Variants in ZNF691 observed in about 807,000 individuals in gnomAD.
The protein encoded by ZNF691 is zinc finger protein 691.
Under a neutral mutation model 24.1 loss-of-function variants are expected in ZNF691, and 11 were observed. The observed-to-expected ratio is 0.46, with a 90% CI of 0.29 to 0.75. The LOEUF (loss-of-function observed/expected upper bound fraction) is 0.75. Among genes scored for constraint, ZNF691 ranks in the 30% least tolerant of loss-of-function variants. The pLI, the probability that ZNF691 is intolerant of heterozygous loss-of-function variation, is 0.11. For missense variants in ZNF691, 356 were observed against 409.0 expected, an observed-to-expected ratio of 0.87 and a Z score of 1.12; for synonymous variants, 149 against 153.9, an observed-to-expected ratio of 0.97 and a Z score of 0.23.
chr1:42,847,156 T>C, intron 1 of ZNF691, among the ~76,000 whole-genome samples: 1 of 152,198 alleles, frequency 6.6e-6, no homozygotes, highest in Non-Finnish European at 1.5e-5. Flanking sequence ...CTCTGACCCG[T>C]TATCTAGCTT....
At position 42,852,184 on chromosome 1, in the gene ZNF691, TTGTC is replaced by T. The variant is rs1655417729; in HGVS notation, c.*375_*378del. 4 of 385,746 alleles carry T rather than the reference TTGTC, an allele frequency of 1.0e-5. No homozygotes were observed. Among genetic ancestry groups the T allele is most frequent in the African/African-American group, 2.1e-5 (1 of 47,416 alleles). 23.9% of individuals were successfully genotyped at this position (385,746 alleles called of 1,614,324 possible). On this transcript the variant is annotated 3_prime_UTR_variant, in exon 4 of 4. Transcript: ENST00000651192. ...TGTCACTGTCTGAAGGTTCTCCAAA[TTGTC>T]TGTGAACTGCTTAGGTAGGAGTGCA...
intron 1 of ZNF691, among the ~76,000 whole-genome samples, chr1:42,848,228 G>A (rs1655291176): frequency 6.6e-6 from 1 of 152,152 alleles, no homozygotes; most frequent in African/African-American, 2.4e-5. Context: ...ATAGCTCATT[G>A]CGTAGAGATA....
rs1304424016 is a variant in ZNF691, at chr1:42,849,711, GC to G, written c.56del (p.Pro19ArgfsTer81). The G allele has an allele frequency of 3.2e-6, 5 of 1,551,004 alleles. No homozygotes were observed. Among genetic ancestry groups the G allele is most frequent in the East Asian group, 2.4e-5 (1 of 40,944 alleles). On this transcript the variant is annotated frameshift_variant, in exon 3 of 4. Coordinates refer to ENST00000651192, the MANE Select transcript of ZNF691 (RefSeq NM_001242739.2). LOFTEE classifies it high-confidence loss of function. ...GCTGAAATGTCGTTATTTCTTCAAG[GC>G]CCGGAGGAAATGCTACCACTCTCAT... is the stretch of plus-strand genomic sequence containing the variant. ...HSAEMSLFLQ[G>X]PEEMLPLSSE...
chr1:42,851,564 G>A lies in ZNF691; in HGVS notation c.699G>A (p.Gly233=), dbSNP rs998882009. 1 of 1,614,228 alleles carries A rather than the reference G, an allele frequency of 6.2e-7. No homozygotes were observed. The highest frequency in any genetic ancestry group is 2.2e-5 in the East Asian group (1 of 44,888). ...CACCCTACATCTGCTGTGAGTGTGGGAAGAGCTTCAGCAACAGCTCCAGCT... is the reference window on the plus strand; with the variant it reads ...CACCCTACATCTGCTGTGAGTGTGGAAAGAGCTTCAGCAACAGCTCCAGCT... ...EPAPYICCEC[G]KSFSNSSSFG... is the part of the protein sequence containing the mutation. The change falls in exon 4 of 4, where the codon GGG becomes GGA. Residue 233 remains glycine (G), a synonymous_variant. Transcript: ENST00000651192. The surrounding 1 kb of genome is among the most constrained non-coding windows in gnomAD (Gnocchi z 4.7).
At position 42,849,425 on chromosome 1, in the gene ZNF691, A is replaced by C; in HGVS notation, c.-95+12A>C. 1.5e-6 allele frequency: 1 copy of C among 645,638 alleles called. No individual in the cohort carries two copies. The highest frequency in any genetic ancestry group is 2.9e-6 in the Non-Finnish European group (1 of 348,534). 40.0% of individuals were successfully genotyped at this position (645,638 alleles called of 1,614,324 possible). A position where few individuals can be genotyped will look rare whatever the true frequency, so the allele number is the denominator to read the frequency against. Reference sequence around the variant, plus strand: ...GTCTTGTAGTGTGGGTAGGTATCACAATTTTAGTGAAGAGGGAGTTTAGGC... The same window carrying C: ...GTCTTGTAGTGTGGGTAGGTATCACCATTTTAGTGAAGAGGGAGTTTAGGC... On this transcript the variant is annotated intron_variant, in intron 2 of 3. Coordinates refer to ENST00000651192, the MANE Select transcript of ZNF691 (RefSeq NM_001242739.2).
chr1:42,851,178 C>T lies in ZNF691; in HGVS notation c.313C>T (p.His105Tyr), dbSNP rs747658412. ...RARELGDPIA[H>Y]PRHEADEKPF... ...TCGAGAGCTAGGGGACCCCATTGCT[C>T]ATCCAAGGCATGAGGCAGATGAGAA... Residue 105 changes from histidine (H) to tyrosine (Y), a missense_variant, in exon 4 of 4, where the codon CAT becomes TAT. His to Tyr is a moderately conservative substitution (Grantham distance 83). Transcript: ENST00000651192. The surrounding 1 kb of genome is among the most constrained non-coding windows in gnomAD (Gnocchi z 4.7). The T allele has an allele frequency of 6.2e-7, 1 of 1,614,198 alleles. No homozygotes were observed. The highest frequency in any genetic ancestry group is 1.1e-5 in the South Asian group (1 of 91,076).
chr1:42,849,168 GA>G (rs1655313104), intron 1 of ZNF691, 122 bp from the exon 2 acceptor site: 1 of 297,080 alleles, frequency 3.4e-6, no homozygotes, highest in Admixed American at 5.0e-5. Context: ...GGTTCTTAAA[GA>G]GTTGAGGTTC....
chr1:42,850,404 G>T, intron 3 of ZNF691: 1 of 985,270 alleles, frequency 1.0e-6, no homozygotes, highest in Non-Finnish European at 1.2e-6. Context: ...CTGGAGAGGG[G>T]TAGAGTGGCA....
At chr1:42,847,857 G>T (rs960255513) in intron 1 of ZNF691, among the ~76,000 whole-genome samples, 1 of 152,214 alleles carries the variant, frequency 6.6e-6, no homozygotes, top group African/African-American at 2.4e-5. Flanking sequence ...CTAAAATAAG[G>T]ATGATGTGAA....
intron 1 of ZNF691, among the ~76,000 whole-genome samples, chr1:42,847,881 A>G (rs1368722349): frequency 6.6e-6 from 1 of 152,236 alleles, no homozygotes; most frequent in Non-Finnish European, 1.5e-5. Flanking sequence ...AAATTAGATG[A>G]TTCATATATG....
rs774556175 is a variant in ZNF691 at position 42,851,662 on chromosome 1, A to T, written c.797A>T (p.Asp266Val). Residue 266 changes from aspartate (D) to valine (V), a missense_variant, in exon 4 of 4, where the codon GAT becomes GTT. By Grantham distance (152) the Asp-to-Val change is radical (BLOSUM62 -3). Transcript: ENST00000651192. This position sits in a 1 kb window ranked among gnomAD's most constrained non-coding sequence, Gnocchi z 4.7. ...ECTECGRTFS[D>V]ISNFGAHQRT... is the part of the protein sequence containing the mutation. ...ACTGAGTGTGGGCGGACCTTCAGCG[A>T]TATCTCCAACTTTGGAGCACACCAG... 2 of 1,614,174 alleles carry T rather than the reference A, an allele frequency of 1.2e-6. No homozygotes were observed. Among genetic ancestry groups the T allele is most frequent in the South Asian group, 2.2e-5 (2 of 91,082 alleles).
chr1:42,847,016 A>T (rs1389960546), intron 1 of ZNF691, among the ~76,000 whole-genome samples: 3 of 151,856 alleles, frequency 2.0e-5, no homozygotes, highest in Non-Finnish European at 4.4e-5. Context: ...GACCTCCGCC[A>T]TTGGCTTCTC....
At position 42,849,625 on chromosome 1, in the gene ZNF691, A is replaced by G. The variant is rs1297753507; in HGVS notation, c.-34A>G. The stretch of plus-strand genomic sequence containing the variant: ...CATTTTCTATCATCAGTGTCCTATG[A>G]TAGTTTGTGCTTCCCTCCCTCATCC... On this transcript the variant is annotated 5_prime_UTR_variant, in exon 3 of 4. Transcript: ENST00000651192. 5.6e-6 allele frequency: 8 copies of G among 1,439,438 alleles called. No individual in the cohort carries two copies. The highest frequency in any genetic ancestry group is 7.7e-6 in the Non-Finnish European group (8 of 1,045,392). 89.2% of individuals were successfully genotyped at this position (1,439,438 alleles called of 1,614,324 possible).
At chr1:42,847,596 A>G (rs1285230847) in intron 1 of ZNF691, among the ~76,000 whole-genome samples, 1 of 152,218 alleles carries the variant, frequency 6.6e-6, no homozygotes, top group Non-Finnish European at 1.5e-5. Flanking sequence ...ACCTTAGGTC[A>G]AATACCTACT....
intron 1 of ZNF691, among the ~76,000 whole-genome samples, chr1:42,847,219 TCTC>T (rs1164723452): frequency 6.6e-6 from 1 of 152,136 alleles, no homozygotes; most frequent in Non-Finnish European, 1.5e-5. Flanking sequence ...ATAGCTCCTC[TCTC>T]CTCTTCCTCC....
rs1369131937 is a variant in ZNF691 at position 42,851,402 on chromosome 1, C to T, written c.537C>T (p.Ser179=). ...ACAAATGCCCCAAGTGCCAGGAGAG[C>T]TTTCGGCGGCGCTCAGACCTCACCA... ...KHYKCPKCQE[S]FRRRSDLTTH... Residue 179 remains serine (S), a synonymous_variant, in exon 4 of 4, where the codon AGC becomes AGT. Coordinates refer to ENST00000651192, the MANE Select transcript of ZNF691 (RefSeq NM_001242739.2). The surrounding 1 kb of genome is among the most constrained non-coding windows in gnomAD (Gnocchi z 4.7). The T allele has an allele frequency of 1.2e-6, 2 of 1,614,052 alleles. No homozygotes were observed. Among genetic ancestry groups the T allele is most frequent in the Admixed American group, 1.7e-5 (1 of 60,010 alleles).
chr1:42,851,041 C>T lies in ZNF691; in HGVS notation c.176C>T (p.Ser59Leu), dbSNP rs1167240805. ...GGTAAGCCTTGGAGAGTGGATGACT[C>T]AGAGGGTTCTTGGATCCCACCTGGG... ...EGGKPWRVDD[S>L]EGSWIPPGEK... The change falls in exon 4 of 4, where the codon TCA (serine) becomes TTA (leucine). Residue 59 changes from serine to leucine, a missense_variant. Ser to Leu is a moderately radical substitution (Grantham distance 145). Coordinates refer to ENST00000651192, the MANE Select transcript of ZNF691 (RefSeq NM_001242739.2). This position sits in a 1 kb window ranked among gnomAD's most constrained non-coding sequence, Gnocchi z 4.7. 1 of 1,584,866 alleles carries T rather than the reference C, an allele frequency of 6.3e-7. No homozygotes were observed. Among genetic ancestry groups the T allele is most frequent in the Non-Finnish European group, 8.6e-7 (1 of 1,166,526 alleles).
chr1:42,851,689 G>T lies in ZNF691; in HGVS notation c.824G>T (p.Arg275Leu). The T allele has an allele frequency of 6.2e-7, 1 of 1,614,206 alleles. No individual in the cohort carries two copies. Among genetic ancestry groups the T allele is most frequent in the Non-Finnish European group, 8.5e-7 (1 of 1,180,030 alleles). Residue 275 changes from arginine to leucine, a missense_variant, in exon 4 of 4, where the codon CGG becomes CTG. Arg to Leu is a moderately radical substitution (Grantham distance 102). Coordinates refer to ENST00000651192, the MANE Select transcript of ZNF691 (RefSeq NM_001242739.2). The surrounding 1 kb of genome is among the most constrained non-coding windows in gnomAD (Gnocchi z 4.7). The part of the protein sequence containing the change: ...SDISNFGAHQ[R>L]THRGEKPYRC... ...ATCTCCAACTTTGGAGCACACCAGCGGACCCACAGAGGGGAGAAGCCCTAC... is the reference window on the plus strand; with the variant it reads ...ATCTCCAACTTTGGAGCACACCAGCTGACCCACAGAGGGGAGAAGCCCTAC...
At chr1:42,847,786 T>G (rs956730923) in intron 1 of ZNF691, among the ~76,000 whole-genome samples, 4 of 152,264 alleles carry the variant, frequency 2.6e-5, no homozygotes, top group African/African-American at 9.6e-5. Flanking sequence ...GTTCTGCCAC[T>G]TACTTGCTGT....
Sources: gnomAD v4.1 joint callset for allele counts (sites outside exome capture counted in the v4.1 genomes callset) on GRCh38, gnomAD v4.1.1 for gene constraint, Gnocchi (gnomAD v3.1) non-coding constraint, MANE v1.5 for transcripts, NCBI Gene and HGNC (gene_info 2026-07-23, HGNC 2026-07-21) for gene names.